The following CTNNA2 variants were observed in gnomAD, a reference collection of about 807,000 sequenced individuals.
CTNNA2 encodes the protein catenin alpha 2.
In CTNNA2, 42 loss-of-function variants were observed where a neutral mutation model predicts 101.0. That is an observed-to-expected ratio of 0.42 (90% CI 0.32 to 0.54). The LOEUF (loss-of-function observed/expected upper bound fraction) is 0.54. CTNNA2 is among the 20% of genes least tolerant of loss of function. CTNNA2 has a pLI of 0.14. For missense variants in CTNNA2, 871 were observed against 1,223.1 expected, an observed-to-expected ratio of 0.71 and a Z score of 4.29; for synonymous variants, 450 against 456.4, an observed-to-expected ratio of 0.99 and a Z score of 0.18.
chr2:79,924,125 A>G (rs940143669), intron 7 of CTNNA2, among the ~76,000 whole-genome samples: 3 of 152,112 alleles, frequency 2.0e-5, no homozygotes, highest in African/African-American at 7.2e-5. Context: ...ATGGAATACT[A>G]TTCAGTCTTT....
intron 1 of CTNNA2, among the ~76,000 whole-genome samples, chr2:79,546,570 C>G (rs1159354356): frequency 1.3e-5 from 2 of 152,030 alleles, no homozygotes; most frequent in Admixed American, 1.3e-4. Flanking sequence ...TTCCAATATG[C>G]AAATATATTA....
At chr2:80,522,287 G>T (rs575265039) in intron 9 of CTNNA2, among the ~76,000 whole-genome samples, 1 of 152,306 alleles carries the variant, frequency 6.6e-6, no homozygotes, top group South Asian at 2.1e-4. Context: ...CTTAATGAGT[G>T]CTGCAGTCTT....
chr2:80,527,081 T>A (rs1160085820), intron 9 of CTNNA2, among the ~76,000 whole-genome samples: 1 of 152,242 alleles, frequency 6.6e-6, no homozygotes, highest in Non-Finnish European at 1.5e-5. Flanking sequence ...ATGTGCTTTT[T>A]GTGTCAAAAC....
intron 2 of CTNNA2, among the ~76,000 whole-genome samples, chr2:79,271,872 T>A (rs1675091910): frequency 6.6e-6 from 1 of 152,012 alleles, no homozygotes; most frequent in Non-Finnish European, 1.5e-5. Context: ...GCAGGTATAT[T>A]TTTTTGCTTC....
At chr2:80,232,341 GTTTGTTTTTTTTTTTTTT>G (rs762841408) in intron 7 of CTNNA2, among the ~76,000 whole-genome samples, 26,603 of 82,846 alleles carry the variant, frequency 0.32, 3,932 homozygotes, top group South Asian at 0.53. Flanking sequence ...TTGTTTGTTT[GTTTGTTTTTTTTTTTTTT>G]TTTTTTTTTT....
At chr2:79,653,047 G>A (rs1681369181) in intron 2 of CTNNA2, among the ~76,000 whole-genome samples, 1 of 152,084 alleles carries the variant, frequency 6.6e-6, no homozygotes, top group Non-Finnish European at 1.5e-5. Context: ...TGGAGGGACA[G>A]GCATAGGATA....
At chr2:80,627,287 G>A (rs577722373) in intron 18 of CTNNA2, among the ~76,000 whole-genome samples, 40 of 152,210 alleles carry the variant, frequency 2.6e-4, no homozygotes, top group Non-Finnish European at 4.7e-4. Flanking sequence ...TTGAAGAATC[G>A]CCACACTGTC....
intron 8 of CTNNA2, among the ~76,000 whole-genome samples, chr2:80,407,618 A>T (rs1370439455): frequency 6.6e-6 from 1 of 152,198 alleles, no homozygotes; most frequent in Non-Finnish European, 1.5e-5. Flanking sequence ...CTAAAAGTAA[A>T]CCTAGCTTGA....
At chr2:80,495,538 A>C (rs1687383233) in intron 9 of CTNNA2, among the ~76,000 whole-genome samples, 2 of 152,194 alleles carry the variant, frequency 1.3e-5, no homozygotes, top group South Asian at 4.1e-4. Context: ...AGTACCTCAT[A>C]CTATGACCTC....
intron 1 of CTNNA2, among the ~76,000 whole-genome samples, chr2:79,626,166 G>A (rs944835273): frequency 1.4e-4 from 22 of 152,146 alleles, no homozygotes; most frequent in African/African-American, 4.6e-4. Context: ...AGTTCCTCAA[G>A]CAGCATTTTA....
chr2:80,471,442 C>T lies in CTNNA2; in HGVS notation c.1290+51841C>T, dbSNP rs563009402. Among the ~76,000 whole-genome samples, 3 of 152,096 alleles carry T rather than the reference C, an allele frequency of 2.0e-5. No individual in the cohort carries two copies. The South Asian group carries it at 6.2e-4, about 32-fold the overall frequency. On this transcript the variant is annotated intron_variant, in intron 9 of 18. Transcript: ENST00000402739. ...ATTAAGCATGGCGTATGTTTTTAAC[C>T]CTACTGTAGGAGCCAGTGATCCAAA...
At chr2:79,201,064 T>G in intron 2 of CTNNA2, among the ~76,000 whole-genome samples, 1 of 152,200 alleles carries the variant, frequency 6.6e-6, no homozygotes, top group East Asian at 1.9e-4. Flanking sequence ...ATAAAACCCC[T>G]TAAGTAATCA....
intron 1 of CTNNA2, among the ~76,000 whole-genome samples, chr2:79,540,541 A>G (rs771482320): frequency 3.3e-5 from 5 of 152,186 alleles, no homozygotes; most frequent in Non-Finnish European, 7.4e-5. Flanking sequence ...TCCCCATTGT[A>G]TTCCTGTAAT....
At chr2:79,623,113 T>A (rs1679095627) in intron 1 of CTNNA2, among the ~76,000 whole-genome samples, 2 of 152,182 alleles carry the variant, frequency 1.3e-5, no homozygotes, top group Admixed American at 1.3e-4. Context: ...TGTTCATGAA[T>A]CATAGTCTAT....
intron 7 of CTNNA2, among the ~76,000 whole-genome samples, chr2:80,204,542 CCA>C (rs1290909882): frequency 6.6e-6 from 1 of 152,180 alleles, no homozygotes; most frequent in African/African-American, 2.4e-5. Context: ...TTCCTTATCT[CCA>C]TCTGAGACCA....
At chr2:79,328,146 A>G (rs2104415735) in intron 3 of CTNNA2, among the ~76,000 whole-genome samples, 1 of 152,320 alleles carries the variant, frequency 6.6e-6, no homozygotes, top group African/African-American at 2.4e-5. Context: ...TAGGCCTTAA[A>G]AGATCCCTCA....
At chr2:79,557,396 G>C (rs923426614) in intron 1 of CTNNA2, among the ~76,000 whole-genome samples, 1 of 151,780 alleles carries the variant, frequency 6.6e-6, no homozygotes, top group African/African-American at 2.4e-5. Flanking sequence ...GTATCCACAA[G>C]AGACATCTTG....
intron 9 of CTNNA2, among the ~76,000 whole-genome samples, chr2:80,443,060 G>A (rs903718485): frequency 6.6e-5 from 10 of 152,168 alleles, no homozygotes; most frequent in Non-Finnish European, 1.2e-4. Context: ...GTGGAAAGAT[G>A]AATTTGTAGG....
chr2:79,984,925 G>GT (rs1356372261), intron 7 of CTNNA2, among the ~76,000 whole-genome samples: 3 of 152,158 alleles, frequency 2.0e-5, no homozygotes, highest in African/African-American at 7.2e-5. Context: ...CAAATTGCCT[G>GT]TTTTTCTCAA....
Sources: gnomAD v4.1 joint callset for allele counts (sites outside exome capture counted in the v4.1 genomes callset) on GRCh38, gnomAD v4.1.1 for gene constraint, MANE v1.5 for transcripts, NCBI Gene and HGNC (gene_info 2026-07-23, HGNC 2026-07-21) for gene names.